The following GRXCR2 variants were observed in gnomAD, a reference collection of about 807,000 sequenced individuals.
The protein encoded by GRXCR2 is glutaredoxin domain-containing cysteine-rich protein 2.
A neutral mutation model predicts 24.8 loss-of-function variants in GRXCR2; 23 were observed. That is an observed-to-expected ratio of 0.93 (90% CI 0.67 to 1.32). The LOEUF (loss-of-function observed/expected upper bound fraction) is 1.32, where lower values mean the gene tolerates loss of function less well. Among genes scored for constraint, GRXCR2 ranks in the 40% most tolerant of loss-of-function variants. GRXCR2 has a pLI of 0.00. For missense variants in GRXCR2, 315 were observed against 303.4 expected, an observed-to-expected ratio of 1.04 and a Z score of -0.28; for synonymous variants, 130 against 116.1, an observed-to-expected ratio of 1.12 and a Z score of -0.77.
intron 2 of GRXCR2, among the ~76,000 whole-genome samples, chr5:145,910,240 A>G (rs1757147122): frequency 6.6e-6 from 1 of 152,132 alleles, no homozygotes; most frequent in African/African-American, 2.4e-5. Flanking sequence ...AGACACTTTA[A>G]CTTCTGAAAC....
chr5:145,886,643 C>T (rs770569019), intron 2 of GRXCR2, among the ~76,000 whole-genome samples: 1 of 152,122 alleles, frequency 6.6e-6, no homozygotes, highest in Non-Finnish European at 1.5e-5. Context: ...AAAAAGAGAT[C>T]TCAGAGGCTG....
intron 2 of GRXCR2, among the ~76,000 whole-genome samples, chr5:145,881,532 C>A (rs938469354): frequency 3.9e-5 from 6 of 152,112 alleles, no homozygotes; most frequent in Non-Finnish European, 8.8e-5. Flanking sequence ...AAAGAGGATA[C>A]AAACAAATGG....
At position 145,859,446 on chromosome 5, in the gene GRXCR2, A is replaced by C. The variant is rs1756291799; in HGVS notation, c.*287T>G. 1 of 427,448 alleles carries C rather than the reference A, an allele frequency of 2.3e-6. No homozygotes were observed. The highest frequency in any genetic ancestry group is 2.0e-5 in the African/African-American group (1 of 48,814). 26.5% of individuals were successfully genotyped at this position (427,448 alleles called of 1,614,324 possible). A position where few individuals can be genotyped will look rare whatever the true frequency, so the allele number is the denominator to read the frequency against. On this transcript the variant is annotated 3_prime_UTR_variant, in exon 3 of 3. Transcript: ENST00000377976. ...TATTTGCTCACTGAAGCAAGAAGAA[A>C]ACTGAGCTAAGTCAAGTGAGATACA... is the stretch of plus-strand genomic sequence containing the variant.
intron 2 of GRXCR2, among the ~76,000 whole-genome samples, chr5:145,866,148 A>AAG (rs1554104083): frequency 2.7e-5 from 4 of 148,284 alleles, no homozygotes; most frequent in South Asian, 2.1e-4. Flanking sequence ...AAAAAAAAAA[A>AAG]AAAGAAAGAA....
chr5:145,883,553 A>T (rs1260312863), intron 2 of GRXCR2, among the ~76,000 whole-genome samples: 3 of 152,200 alleles, frequency 2.0e-5, no homozygotes, highest in African/African-American at 7.2e-5. Context: ...GGAACTGATT[A>T]CTCAGGATTG....
intron 2 of GRXCR2, among the ~76,000 whole-genome samples, chr5:145,919,639 T>C (rs1379590694): frequency 6.6e-6 from 1 of 152,076 alleles, no homozygotes; most frequent in Non-Finnish European, 1.5e-5. Flanking sequence ...GGAGAAGCTG[T>C]TAATTTTAGA....
intron 2 of GRXCR2, among the ~76,000 whole-genome samples, chr5:145,907,551 T>C (rs1757109595): frequency 6.6e-6 from 1 of 150,894 alleles, no homozygotes; most frequent in African/African-American, 2.4e-5. Context: ...GTAATAATAA[T>C]AATAAAATGA....
chr5:145,864,849 A>C (rs1267252753), intron 2 of GRXCR2, among the ~76,000 whole-genome samples: 1 of 152,132 alleles, frequency 6.6e-6, no homozygotes, highest in Non-Finnish European at 1.5e-5. Context: ...TTACATTTAA[A>C]AATATCTTTT....
intron 2 of GRXCR2, among the ~76,000 whole-genome samples, chr5:145,865,866 G>A (rs780002059): frequency 5.3e-5 from 8 of 152,096 alleles, no homozygotes; most frequent in South Asian, 4.1e-4. Flanking sequence ...GGCCAGGCAC[G>A]GTGGCTCATG....
chr5:145,920,389 A>T (rs1284561959), intron 2 of GRXCR2, among the ~76,000 whole-genome samples: 1 of 152,194 alleles, frequency 6.6e-6, no homozygotes, highest in African/African-American at 2.4e-5. Context: ...GGTGATTCTG[A>T]TGCTCTCTAA....
chr5:145,864,410 G>T (rs1756392299), intron 2 of GRXCR2, among the ~76,000 whole-genome samples: 1 of 152,152 alleles, frequency 6.6e-6, no homozygotes. Context: ...CCCAAGCAAT[G>T]AAAAGACACT....
chr5:145,881,022 A>C (rs1756691708), intron 2 of GRXCR2, among the ~76,000 whole-genome samples: 1 of 152,240 alleles, frequency 6.6e-6, no homozygotes, highest in Non-Finnish European at 1.5e-5. Context: ...TATGGATTGA[A>C]TGTATCTCAA....
In GRXCR2 at chr5:145,858,541, G is replaced by C. The variant is rs954667761; in HGVS notation, c.*1192C>G. ...AAAAATATTTTAGTCTTTTTTATTA[G>C]AATTATTTATATTGCCTGAAAAGCA... On this transcript the variant is annotated 3_prime_UTR_variant, in exon 3 of 3. Transcript: ENST00000377976. 6.6e-6 allele frequency: 1 copy of C among 152,100 alleles called. No individual in the cohort carries two copies. Among genetic ancestry groups the C allele is most frequent in the Non-Finnish European group, 1.5e-5 (1 of 68,024 alleles). 9.4% of individuals were successfully genotyped at this position (152,100 alleles called of 1,614,324 possible).
chr5:145,881,772 C>T (rs1417879038), intron 2 of GRXCR2, among the ~76,000 whole-genome samples: 9 of 152,200 alleles, frequency 5.9e-5, no homozygotes, highest in Non-Finnish European at 1.3e-4. Flanking sequence ...TCAAACTATA[C>T]TACAAGGCTG....
At chr5:145,892,245 C>T (rs548206409) in intron 2 of GRXCR2, among the ~76,000 whole-genome samples, 17 of 152,286 alleles carry the variant, frequency 1.1e-4, no homozygotes, top group East Asian at 7.7e-4. Flanking sequence ...TCCAAAGGAA[C>T]GCAGCTCCTC....
At chr5:145,929,242 C>T (rs966426335) in intron 2 of GRXCR2, among the ~76,000 whole-genome samples, 2 of 118,386 alleles carry the variant, frequency 1.7e-5, no homozygotes, top group East Asian at 6.9e-4. Context: ...TATTTACCCA[C>T]TCCCCTATTT....
upstream of GRXCR2, among the ~76,000 whole-genome samples, chr5:145,876,883 A>G (rs1375012874): frequency 7.9e-5 from 12 of 152,198 alleles, no homozygotes; most frequent in Admixed American, 7.9e-4. Flanking sequence ...CCTTAAAAAT[A>G]TTTATATCCT....
At chr5:145,889,030 C>T (rs575425922) in intron 2 of GRXCR2, among the ~76,000 whole-genome samples, 13 of 151,786 alleles carry the variant, frequency 8.6e-5, no homozygotes, top group Non-Finnish European at 1.3e-4. Context: ...AAAAACTAGC[C>T]GGGCGTGGTG....
intron 2 of GRXCR2, among the ~76,000 whole-genome samples, chr5:145,919,534 A>C (rs2149928239): frequency 6.6e-6 from 1 of 152,322 alleles, no homozygotes; most frequent in East Asian, 1.9e-4. Flanking sequence ...AAGGGTTTGC[A>C]GATCCAGGTG....
Sources: allele counts gnomAD v4.1 joint callset (sites outside exome capture counted in the v4.1 genomes callset), GRCh38; gene constraint gnomAD v4.1.1; transcripts MANE v1.5; gene names NCBI Gene and HGNC (gene_info 2026-07-23, HGNC 2026-07-21).